Variants in SPTBN1 observed in about 807,000 individuals in gnomAD.
The protein encoded by SPTBN1 is spectrin beta, non-erythrocytic 1, also known as spectrin beta chain, non-erythrocytic 1.
Under a neutral mutation model 266.4 loss-of-function variants are expected in SPTBN1, and 32 were observed. The ratio of observed to expected loss-of-function variants is 0.12; its 90% confidence interval spans 0.09 to 0.16. SPTBN1 has a LOEUF of 0.16. Among genes scored for constraint, SPTBN1 ranks in the 10% least tolerant of loss-of-function variants. SPTBN1 has a pLI of 1.00. For synonymous variants in SPTBN1, 1,336 were observed against 1,162.2 expected (o/e 1.15, Z -3.04); for missense variants, 2,296 against 3,067.1 (o/e 0.75, Z 5.94).
At chr2:54,590,404 C>G (rs1421940399) in intron 2 of SPTBN1, among the ~76,000 whole-genome samples, 1 of 152,220 alleles carries the variant, frequency 6.6e-6, no homozygotes, top group Non-Finnish European at 1.5e-5. Context: ...TGGAGGTTTG[C>G]TGACTCATTG....
At chr2:54,588,148 TG>T (rs1447419880) in intron 2 of SPTBN1, among the ~76,000 whole-genome samples, 17 of 152,172 alleles carry the variant, frequency 1.1e-4, no homozygotes, top group Admixed American at 6.5e-5. Flanking sequence ...TTAGGCTTTG[TG>T]GGCCACATGG....
intron 1 of SPTBN1, among the ~76,000 whole-genome samples, chr2:54,461,627 C>T (rs1381280384): frequency 6.6e-6 from 1 of 152,228 alleles, no homozygotes; most frequent in African/African-American, 2.4e-5. Flanking sequence ...GCTTGAAAAT[C>T]TTGTCCAGTG....
intron 2 of SPTBN1, among the ~76,000 whole-genome samples, chr2:54,559,935 T>G (rs1673172138): frequency 6.6e-6 from 1 of 152,116 alleles, no homozygotes; most frequent in Non-Finnish European, 1.5e-5. Flanking sequence ...ATTCATTGGT[T>G]TATTTGTCTT....
intron 15 of SPTBN1, among the ~76,000 whole-genome samples, chr2:54,630,328 C>T (rs1258832379): frequency 1.3e-5 from 2 of 152,232 alleles, no homozygotes; most frequent in East Asian, 1.9e-4. Context: ...AAGATGACAC[C>T]TGTGCTATCC....
At chr2:54,556,514 A>G (rs140627265) in intron 2 of SPTBN1, among the ~76,000 whole-genome samples, 7 of 152,346 alleles carry the variant, frequency 4.6e-5, no homozygotes, top group Non-Finnish European at 7.4e-5. Flanking sequence ...TTAAAACGTT[A>G]TAAGTTGGCA....
chr2:54,488,684 A>G (rs1250500275), intron 1 of SPTBN1, among the ~76,000 whole-genome samples: 1 of 152,138 alleles, frequency 6.6e-6, no homozygotes. Flanking sequence ...TCACCATAAA[A>G]AAAGTCTTAT....
intron 18 of SPTBN1, among the ~76,000 whole-genome samples, chr2:54,641,348 A>C (rs1303639718): frequency 6.6e-6 from 1 of 152,194 alleles, no homozygotes; most frequent in Middle Eastern, 3.2e-3. Flanking sequence ...ATGAATAGCG[A>C]AAATATGTGA....
chr2:54,587,894 C>T (rs1295797257), intron 2 of SPTBN1, among the ~76,000 whole-genome samples: 2 of 152,174 alleles, frequency 1.3e-5, no homozygotes, highest in East Asian at 3.8e-4. Context: ...ATGTGGATAT[C>T]ACTTACCAGA....
intron 4 of SPTBN1, among the ~76,000 whole-genome samples, 153 bp downstream of exon 4, chr2:54,612,487 T>C (rs546787464): frequency 1.3e-5 from 2 of 152,318 alleles, no homozygotes; most frequent in African/African-American, 4.8e-5. Flanking sequence ...GCCCTCAGAA[T>C]TGAATGCTGC....
chr2:54,480,473 C>T (rs994269713), intron 1 of SPTBN1, among the ~76,000 whole-genome samples: 1 of 152,162 alleles, frequency 6.6e-6, no homozygotes, highest in Non-Finnish European at 1.5e-5. Flanking sequence ...ACATACTTAT[C>T]CTAAAAATTC....
rs1673037827 is a variant in SPTBN1, at chr2:54,558,517, A to G, written c.148+31951A>G. ...CTCTGCTTCTCCCTCCTCCTCAGTA[A>G]TTTATTTCGAGCTTCCAGGCAAGGG... On this transcript the variant is annotated intron_variant, in intron 2 of 35. Transcript: ENST00000356805. The surrounding 1 kb of genome is among the most constrained non-coding windows in gnomAD (Gnocchi z 4.6). 3 of 1,235,896 alleles carry G rather than the reference A, an allele frequency of 2.4e-6. No homozygotes were observed. The allele number at this position is 1,235,896 out of a possible 1,614,324, so 76.6% of individuals were successfully genotyped here. A position where few individuals can be genotyped will look rare whatever the true frequency, so the allele number is the denominator to read the frequency against.
chr2:54,594,833 CTT>C lies in SPTBN1; in HGVS notation c.149-4242_149-4241del, dbSNP rs71408777. On this transcript the variant is annotated intron_variant, in intron 2 of 35. Coordinates refer to ENST00000356805, the MANE Select transcript of SPTBN1 (RefSeq NM_003128.3). ...GATTCCATGACCCTCTGGTAAGTTT[CTT>C]TTTTTTTTTTTTTTTTGAGACAGAG... 1.3e-4 allele frequency among the ~76,000 whole-genome samples: 14 copies of C among 104,704 alleles called. 1 individual carries two copies. The highest frequency in any genetic ancestry group is 5.2e-4 in the Admixed American group (5 of 9,708). 68.7% of individuals were successfully genotyped at this position (104,704 alleles called of 152,430 possible). A position where few individuals can be genotyped will look rare whatever the true frequency, so the allele number is the denominator to read the frequency against.
intron 1 of SPTBN1, among the ~76,000 whole-genome samples, chr2:54,486,529 CG>C (rs778615124): frequency 1.3e-5 from 2 of 151,974 alleles, no homozygotes; most frequent in African/African-American, 2.4e-5. Context: ...GCAGCATGCT[CG>C]TTAAGAGTCA....
chr2:54,534,611 G>A (rs1326936330), intron 2 of SPTBN1, among the ~76,000 whole-genome samples: 1 of 152,116 alleles, frequency 6.6e-6, no homozygotes, highest in African/African-American at 2.4e-5. Flanking sequence ...TACTTTTTTA[G>A]GTGTAGTTTT....
At chr2:54,502,128 A>G (rs1338468256) in intron 1 of SPTBN1, among the ~76,000 whole-genome samples, 1 of 152,068 alleles carries the variant, frequency 6.6e-6, no homozygotes, top group Non-Finnish European at 1.5e-5. Context: ...CCTTTCCCCA[A>G]ACACACTGGC....
At chr2:54,656,114 C>G (rs991455750) in intron 29 of SPTBN1, 116 bp downstream of exon 29, 1 of 822,168 alleles carries the variant, frequency 1.2e-6, no homozygotes, top group Non-Finnish European at 1.9e-6. Context: ...GTTGTAGATG[C>G]CTTTTTAGTG....
Position 54,657,900 on chromosome 2 carries a change from C to G in SPTBN1, c.6097C>G (p.Leu2033Val), listed in dbSNP as rs759453966. The G allele has an allele frequency of 6.2e-7, 1 of 1,614,250 alleles. No homozygotes were observed. The highest frequency in any genetic ancestry group is 2.2e-5 in the East Asian group (1 of 44,892). ...AGACGCCAGTGTGGCCGAGGCCTGG[C>G]TGCTTGGACAGGAGCCGTACCTATC... ...SRDASVAEAW[L>V]LGQEPYLSSR... The change falls in exon 30 of 36, where the codon CTG becomes GTG. Residue 2033 changes from leucine to valine, a missense_variant. Leu to Val is a conservative substitution (Grantham distance 32). Transcript: ENST00000356805.
chr2:54,499,931 A>T (rs1477129156), intron 1 of SPTBN1, among the ~76,000 whole-genome samples: 1 of 152,226 alleles, frequency 6.6e-6, no homozygotes, highest in Non-Finnish European at 1.5e-5. Flanking sequence ...GGTACTTTCC[A>T]ATGGAGGATG....
chr2:54,475,073 G>A (rs1667755626), intron 1 of SPTBN1, among the ~76,000 whole-genome samples: 1 of 152,134 alleles, frequency 6.6e-6, no homozygotes, highest in Non-Finnish European at 1.5e-5. Context: ...GGGCGTGGTG[G>A]CACATGCCTA....
Sources: gnomAD v4.1 joint callset for allele counts (sites outside exome capture counted in the v4.1 genomes callset) on GRCh38, gnomAD v4.1.1 for gene constraint, Gnocchi (gnomAD v3.1) non-coding constraint, MANE v1.5 for transcripts, NCBI Gene and HGNC (gene_info 2026-07-23, HGNC 2026-07-21) for gene names.